The following AGO4 variants were observed in gnomAD, a reference collection of about 807,000 sequenced individuals.
AGO4 encodes argonaute RISC component 4, also known as protein argonaute-4.
AGO4 carries 33 observed loss-of-function variants against 104.7 expected under a neutral mutation model. The ratio of observed to expected loss-of-function variants is 0.32; its 90% confidence interval spans 0.24 to 0.42. The LOEUF (loss-of-function observed/expected upper bound fraction) is 0.42. Ranked by LOEUF, AGO4 falls within the 10% of genes least tolerant of loss-of-function variation. The pLI is 1.00. For synonymous variants in AGO4, 331 were observed against 364.7 expected, an observed-to-expected ratio of 0.91 and a Z score of 1.05; for missense variants, 711 against 1,083.4, an observed-to-expected ratio of 0.66 and a Z score of 4.83.
chr1:35,831,708 C>A, intron 8 of AGO4, 104 bp from the exon 9 acceptor site: 1 of 1,547,232 alleles, frequency 6.5e-7, no homozygotes, highest in Non-Finnish European at 8.7e-7. Context: ...ACTATATAAC[C>A]AAATTTTAAT....
At chr1:35,845,095 C>G (rs973710256) in intron 15 of AGO4, among the ~76,000 whole-genome samples, 5 of 142,488 alleles carry the variant, frequency 3.5e-5, no homozygotes, top group Admixed American at 7.2e-5. Flanking sequence ...AGCTTTACTA[C>G]CCACCTTTGT....
At chr1:35,852,615 G>A (rs1283351617) in intron 17 of AGO4, among the ~76,000 whole-genome samples, 1 of 152,180 alleles carries the variant, frequency 6.6e-6, no homozygotes, top group Non-Finnish European at 1.5e-5. Flanking sequence ...TGTATTATGT[G>A]CTAGACACCA....
intron 2 of AGO4, among the ~76,000 whole-genome samples, chr1:35,819,343 C>A (rs1643832026): frequency 6.6e-6 from 1 of 151,060 alleles, no homozygotes. Flanking sequence ...TACCTGTAAT[C>A]CCAGCACTTT....
chr1:35,852,046 A>G (rs1041850744), intron 17 of AGO4, among the ~76,000 whole-genome samples: 2 of 152,216 alleles, frequency 1.3e-5, no homozygotes, highest in Admixed American at 1.3e-4. Context: ...AAAAAAGAGA[A>G]AAGAATTTTC....
chr1:35,813,914 A>G (rs1643593394), intron 1 of AGO4, among the ~76,000 whole-genome samples: 1 of 151,594 alleles, frequency 6.6e-6, no homozygotes, highest in Non-Finnish European at 1.5e-5. Context: ...TCTCTACTAA[A>G]AATACAAAAA....
intron 11 of AGO4, 52 bp downstream of exon 11, chr1:35,832,622 T>C (rs1392704203): frequency 6.3e-7 from 1 of 1,596,100 alleles, no homozygotes; most frequent in Non-Finnish European, 8.5e-7. Context: ...GATATGAAAA[T>C]ACTGTCTTTA....
chr1:35,824,842 T>G (rs772517518), intron 3 of AGO4, among the ~76,000 whole-genome samples: 1 of 152,208 alleles, frequency 6.6e-6, no homozygotes, highest in Non-Finnish European at 1.5e-5. Flanking sequence ...AATGGCATTA[T>G]GTATGTTCAC....
intron 12 of AGO4, 30 bp downstream of exon 12, chr1:35,834,204 A>G: frequency 2.0e-6 from 3 of 1,482,510 alleles, no homozygotes; most frequent in South Asian, 1.4e-5. Flanking sequence ...TGAATGAGGG[A>G]TGATTTCAAG....
intron 2 of AGO4, among the ~76,000 whole-genome samples, chr1:35,818,706 G>GGAAGGAAGGAAGGAAGGAAGGAAAC (rs1643810763): frequency 6.6e-6 from 1 of 151,544 alleles, no homozygotes; most frequent in African/African-American, 2.4e-5. Context: ...AGGAAGGAAA[G>GGAAGGAAGGAAGGAAGGAAGGAAAC]AAACAAACAG....
At chr1:35,850,828 CATT>C in intron 16 of AGO4, 23 bp from the exon 17 acceptor site, 1 of 506,582 alleles carries the variant, frequency 2.0e-6, no homozygotes, top group Non-Finnish European at 2.9e-6. Flanking sequence ...AAAAAAAAAA[CATT>C]AATCATAAAA....
chr1:35,823,758 T>A (rs538120973), intron 3 of AGO4, among the ~76,000 whole-genome samples: 101 of 151,546 alleles, frequency 6.7e-4, no homozygotes, highest in South Asian at 8.4e-4. Flanking sequence ...TATTATTTTT[T>A]TTTTTAGTAC....
intron 1 of AGO4, among the ~76,000 whole-genome samples, chr1:35,815,247 A>G (rs1386227401): frequency 6.6e-6 from 1 of 152,204 alleles, no homozygotes; most frequent in Non-Finnish European, 1.5e-5. Context: ...ATGCCATTGC[A>G]GTAACAGAAC....
At chr1:35,836,949 T>C (rs909426117) in intron 13 of AGO4, among the ~76,000 whole-genome samples, 1 of 152,210 alleles carries the variant, frequency 6.6e-6, no homozygotes, top group Non-Finnish European at 1.5e-5. Context: ...GTAGTATCAG[T>C]CCTTTTAATT....
intron 1 of AGO4, among the ~76,000 whole-genome samples, chr1:35,813,085 T>C (rs1643562047): frequency 6.6e-6 from 1 of 152,186 alleles, no homozygotes; most frequent in Non-Finnish European, 1.5e-5. Flanking sequence ...TCTTGTACAC[T>C]AGAAGTAGAA....
rs200474840 is a variant in AGO4, at chr1:35,841,643, C to T, written c.2068C>T (p.Arg690Ter). 1 of 1,613,718 alleles carries T rather than the reference C, an allele frequency of 6.2e-7. No individual in the cohort carries two copies. Among genetic ancestry groups the T allele is most frequent in the African/African-American group, 1.3e-5 (1 of 74,780 alleles). Reference sequence around the variant, plus strand: ...AGCTTGGCCAGAACTAATAGCAATTCGAAAGGCATGTATTAGCTTGGAAGA... The same window carrying T: ...AGCTTGGCCAGAACTAATAGCAATTTGAAAGGCATGTATTAGCTTGGAAGA... ...QVAWPELIAI[R>*]KACISLEEDY... Residue 690 changes from arginine (R) to a stop codon, truncating the protein, a stop_gained, in exon 15 of 18, where the codon CGA becomes TGA. Coordinates refer to ENST00000373210, the MANE Select transcript of AGO4 (RefSeq NM_017629.4). LOFTEE classifies it high-confidence loss of function. The surrounding 1 kb of genome is among the most constrained non-coding windows in gnomAD (Gnocchi z 4.7).
At chr1:35,834,672 C>T (rs1644262901) in intron 12 of AGO4, among the ~76,000 whole-genome samples, 1 of 152,172 alleles carries the variant, frequency 6.6e-6, no homozygotes, top group African/African-American at 2.4e-5. Context: ...GTTATTTTGG[C>T]TATCATTTAA....
At chr1:35,827,276 T>C (rs966845277) in intron 7 of AGO4, among the ~76,000 whole-genome samples, 1 of 151,618 alleles carries the variant, frequency 6.6e-6, no homozygotes, top group Non-Finnish European at 1.5e-5. Flanking sequence ...TCTCAGCACT[T>C]TGGGAGGCCG....
chr1:35,817,753 T>G (rs1643757205), intron 2 of AGO4, among the ~76,000 whole-genome samples: 1 of 152,222 alleles, frequency 6.6e-6, no homozygotes, highest in South Asian at 2.1e-4. Flanking sequence ...AAGTTAAATA[T>G]TTTGTGCCGC....
intron 16 of AGO4, 26 bp from the exon 17 acceptor site, chr1:35,850,828 C>T: frequency 3.9e-6 from 2 of 506,580 alleles, no homozygotes; most frequent in Non-Finnish European, 5.8e-6. Flanking sequence ...AAAAAAAAAA[C>T]ATTAATCATA....
Sources: gnomAD v4.1 joint callset for allele counts (sites outside exome capture counted in the v4.1 genomes callset) on GRCh38, gnomAD v4.1.1 for gene constraint, Gnocchi (gnomAD v3.1) non-coding constraint, MANE v1.5 for transcripts, NCBI Gene and HGNC (gene_info 2026-07-23, HGNC 2026-07-21) for gene names.